The following ANXA8 variants were observed in gnomAD, a reference collection of about 807,000 sequenced individuals.
ANXA8 encodes annexin A8, also known as VAC-beta.
In ANXA8, 9 loss-of-function variants were observed where a neutral mutation model predicts 26.8. That is an observed-to-expected ratio of 0.34 (90% CI 0.20 to 0.59). The LOEUF (loss-of-function observed/expected upper bound fraction) is 0.59, where lower values mean the gene tolerates loss of function less well. Among genes scored for constraint, ANXA8 ranks in the 20% least tolerant of loss-of-function variants. The probability of loss-of-function intolerance (pLI) is 0.84; values close to 1 mark genes in which losing one functional copy is unlikely to be tolerated. For missense variants in ANXA8, 83 were observed against 238.5 expected (o/e 0.35, Z 4.29); for synonymous variants, 39 against 94.8 (o/e 0.41, Z 3.42).
the ANXA8 span, among the ~76,000 whole-genome samples, chr10:47,709,506 A>G: frequency 6.6e-6 from 1 of 150,424 alleles, no homozygotes; most frequent in Admixed American, 6.6e-5. Flanking sequence ...ATAAAAAGTG[A>G]GAAAAAAAAA....
chr10:47,745,898 C>G, the ANXA8 span, among the ~76,000 whole-genome samples: 5 of 151,232 alleles, frequency 3.3e-5, no homozygotes, highest in East Asian at 1.0e-3. Context: ...TATTGGATGA[C>G]ACAACATAAG....
chr10:47,544,137 G>A, the ANXA8 span, among the ~76,000 whole-genome samples: 3 of 152,006 alleles, frequency 2.0e-5, no homozygotes, highest in Middle Eastern at 3.4e-3. Flanking sequence ...GAGGCTGAAC[G>A]TAGGATGGGG....
At chr10:47,659,718 A>G in the ANXA8 span, among the ~76,000 whole-genome samples, 21 of 150,868 alleles carry the variant, frequency 1.4e-4, no homozygotes, top group East Asian at 3.9e-3. Context: ...AAATGATTTT[A>G]TGTATGACAT....
the ANXA8 span, among the ~76,000 whole-genome samples, chr10:47,721,222 TG>T: frequency 7.0e-6 from 1 of 142,014 alleles, no homozygotes; most frequent in East Asian, 2.8e-4. Context: ...CTCAAAAGTA[TG>T]TATAGGTGAC....
At chr10:47,564,090 C>A in the ANXA8 span, among the ~76,000 whole-genome samples, 2 of 131,378 alleles carry the variant, frequency 1.5e-5, no homozygotes, top group African/African-American at 6.0e-5. Flanking sequence ...CACAGCCGAG[C>A]GGGCGCCTTG....
At chr10:47,565,989 C>A in the ANXA8 span, 5 of 1,442,410 alleles carry the variant, frequency 3.5e-6, no homozygotes, top group African/African-American at 3.0e-5. Flanking sequence ...GGGAGCTTCT[C>A]GGGCAGCGTG....
the ANXA8 span, among the ~76,000 whole-genome samples, chr10:47,571,582 A>C: frequency 1.3e-5 from 2 of 148,678 alleles, no homozygotes; most frequent in Non-Finnish European, 2.9e-5. Flanking sequence ...CAAAACAAAA[A>C]AAAAGAGGCT....
the ANXA8 span, among the ~76,000 whole-genome samples, chr10:47,556,975 C>A: frequency 2.7e-5 from 4 of 146,752 alleles, no homozygotes; most frequent in African/African-American, 1.0e-4. Flanking sequence ...GCTGCTAAAG[C>A]AATTAAAGTA....
At chr10:47,727,200 C>G in the ANXA8 span, among the ~76,000 whole-genome samples, 1 of 152,296 alleles carries the variant, frequency 6.6e-6, no homozygotes, top group Non-Finnish European at 1.5e-5. Flanking sequence ...TGTTGGTAAG[C>G]AAAAACTATT....
the ANXA8 span, among the ~76,000 whole-genome samples, chr10:47,969,266 C>T: frequency 6.6e-6 from 1 of 151,496 alleles, no homozygotes; most frequent in Admixed American, 6.6e-5. Flanking sequence ...ATTGTTTCAG[C>T]TTTCCAACTA....
the ANXA8 span, among the ~76,000 whole-genome samples, chr10:47,506,583 G>A: frequency 3.5e-5 from 5 of 142,438 alleles, no homozygotes; most frequent in Non-Finnish European, 6.1e-5. Flanking sequence ...ACCCACCTTG[G>A]CCTCCCAAAA....
chr10:47,469,495 G>A (rs1245113611), intron 11 of ANXA8, among the ~76,000 whole-genome samples: 2 of 151,420 alleles, frequency 1.3e-5, no homozygotes, highest in Non-Finnish European at 2.9e-5. Context: ...GGTCTGCCCT[G>A]CATCTGGCTC....
At chr10:47,561,413 T>G in the ANXA8 span, among the ~76,000 whole-genome samples, 1 of 151,724 alleles carries the variant, frequency 6.6e-6, no homozygotes, top group Non-Finnish European at 1.5e-5. Context: ...GCCAAATGTG[T>G]AATCTATTAT....
chr10:47,679,765 T>C, the ANXA8 span, among the ~76,000 whole-genome samples: 47 of 151,740 alleles, frequency 3.1e-4, 1 homozygote, highest in Middle Eastern at 0.014. Flanking sequence ...AAAAAAAAGT[T>C]TAAAAAGGCG....
chr10:47,495,971 A>C, the ANXA8 span, among the ~76,000 whole-genome samples: 1 of 151,592 alleles, frequency 6.6e-6, no homozygotes, highest in Non-Finnish European at 1.5e-5. Context: ...GTGGGATCTG[A>C]GAGCACGCCT....
the ANXA8 span, among the ~76,000 whole-genome samples, chr10:47,704,894 A>G: frequency 2.6e-5 from 4 of 152,040 alleles, no homozygotes; most frequent in Non-Finnish European, 5.9e-5. Flanking sequence ...TTTATTCATT[A>G]ATTGGAAGAT....
At chr10:47,685,790 C>T in the ANXA8 span, among the ~76,000 whole-genome samples, 1 of 148,574 alleles carries the variant, frequency 6.7e-6, no homozygotes, top group Non-Finnish European at 1.5e-5. Flanking sequence ...GAGAGTTTCA[C>T]AACTGCAGTG....
chr10:47,937,405 A>T, the ANXA8 span, among the ~76,000 whole-genome samples: 2 of 149,592 alleles, frequency 1.3e-5, no homozygotes, highest in East Asian at 1.9e-4. Context: ...TGGTTTTTTT[A>T]AAAGTTAATT....
the ANXA8 span, among the ~76,000 whole-genome samples, chr10:47,688,126 C>T: frequency 6.7e-6 from 1 of 148,440 alleles, no homozygotes; most frequent in Non-Finnish European, 1.5e-5. Context: ...AAGGGTCTCA[C>T]TTTGTTACTC....
Sources: allele counts gnomAD v4.1 joint callset (sites outside exome capture counted in the v4.1 genomes callset), GRCh38; gene constraint gnomAD v4.1.1; transcripts MANE v1.5; gene names NCBI Gene and HGNC (gene_info 2026-07-23, HGNC 2026-07-21).